CRTAC1: variants seen among roughly 807,000 people sequenced by gnomAD.
CRTAC1 encodes the protein acidic secreted protein in cartilage.
Under a neutral mutation model 67.8 loss-of-function variants are expected in CRTAC1, and 37 were observed. The ratio of observed to expected loss-of-function variants is 0.55; its 90% CI spans 0.42 to 0.72. The LOEUF is 0.72. Among genes scored for constraint, CRTAC1 ranks in the 30% least tolerant of loss-of-function variants. The pLI, the probability that CRTAC1 is intolerant of heterozygous loss-of-function variation, is 0.00. For missense variants in CRTAC1, 780 were observed against 931.6 expected (o/e 0.84, Z 2.12); for synonymous variants, 348 against 371.0 (o/e 0.94, Z 0.71).
intron 2 of CRTAC1, among the ~76,000 whole-genome samples, chr10:97,967,085 G>C (rs1024735349): frequency 3.3e-5 from 5 of 151,910 alleles, no homozygotes; most frequent in Admixed American, 2.6e-4. Flanking sequence ...GCTCCTCTGG[G>C]GTGGTGTATC....
chr10:97,950,242 C>CAGAGAG (rs1160076016), intron 2 of CRTAC1, among the ~76,000 whole-genome samples: 1,656 of 117,304 alleles, frequency 0.014, 25 homozygotes, highest in Non-Finnish European at 0.017. Flanking sequence ...TGCACACACA[C>CAGAGAG]ACACAGAGAG....
intron 1 of CRTAC1, among the ~76,000 whole-genome samples, chr10:98,025,839 C>A (rs1843221627): frequency 6.6e-6 from 1 of 152,208 alleles, no homozygotes; most frequent in Non-Finnish European, 1.5e-5. Context: ...GAATCAATAG[C>A]TCAGGGCCCT....
Position 97,987,842 on chromosome 10 carries a change from G to T in CRTAC1, c.224+23296C>A, listed in dbSNP as rs186817920. Among the ~76,000 whole-genome samples the T allele has an allele frequency of 5.9e-5, 9 of 152,254 alleles. No individual in the cohort carries two copies. In the East Asian group the frequency reaches 1.7e-3, roughly 29 times the overall value. On this transcript the variant is annotated intron_variant, in intron 2 of 14. Coordinates refer to ENST00000370597, the MANE Select transcript of CRTAC1 (RefSeq NM_018058.7). ...GTCTGCTCAGCACTCTTCCATCTTG[G>T]ATCTAGGAACAGACCCCCTTTGCAT...
intron 2 of CRTAC1, among the ~76,000 whole-genome samples, chr10:97,949,690 C>T (rs567111344): frequency 1.6e-4 from 25 of 152,268 alleles, no homozygotes; most frequent in South Asian, 1.2e-3. Flanking sequence ...GGCACTCAGC[C>T]GGGCAGTCAG....
Position 98,007,563 on chromosome 10 carries a change from C to A in CRTAC1, c.224+3575G>T, listed in dbSNP as rs886109298. Among the ~76,000 whole-genome samples, 5 of 152,184 alleles carry A rather than the reference C, an allele frequency of 3.3e-5. 1 individual carries two copies. Among genetic ancestry groups the A allele is most frequent in the African/African-American group, 7.2e-5 (3 of 41,442 alleles). On this transcript the variant is annotated intron_variant, in intron 2 of 14. Coordinates refer to ENST00000370597, the MANE Select transcript of CRTAC1 (RefSeq NM_018058.7). The stretch of plus-strand genomic sequence containing the variant: ...TCCTGTCTTCTGTGTAACTCTTATT[C>A]TTTGCTGGGGGTGAGCAATAAATAT...
intron 2 of CRTAC1, among the ~76,000 whole-genome samples, chr10:97,966,883 T>C (rs898101517): frequency 3.9e-5 from 6 of 152,226 alleles, no homozygotes; most frequent in South Asian, 4.1e-4. Context: ...CGTGCCATTT[T>C]CATCTCATCA....
chr10:97,962,047 G>A (rs182311955), intron 2 of CRTAC1, among the ~76,000 whole-genome samples: 120 of 152,278 alleles, frequency 7.9e-4, no homozygotes, highest in African/African-American at 2.9e-3. Flanking sequence ...GAAAGCCGTG[G>A]AACATCACTG....
chr10:98,024,982 C>T (rs1843198295), intron 1 of CRTAC1, among the ~76,000 whole-genome samples: 1 of 152,038 alleles, frequency 6.6e-6, no homozygotes, highest in Non-Finnish European at 1.5e-5. Context: ...TCACAGCTCA[C>T]ATTTAATTTT....
chr10:98,004,266 G>C (rs1316155098), intron 2 of CRTAC1, among the ~76,000 whole-genome samples: 2 of 152,166 alleles, frequency 1.3e-5, no homozygotes, highest in African/African-American at 4.8e-5. Flanking sequence ...TCAGCAGTTT[G>C]AATCAGAAAG....
chr10:97,893,319 C>A (rs2050403845), intron 11 of CRTAC1, among the ~76,000 whole-genome samples: 1 of 152,088 alleles, frequency 6.6e-6, no homozygotes, highest in Non-Finnish European at 1.5e-5. Context: ...GACCATAGTG[C>A]CTATTCCTTT....
chr10:97,983,104 A>G (rs1032030680), intron 2 of CRTAC1, among the ~76,000 whole-genome samples: 1 of 152,214 alleles, frequency 6.6e-6, no homozygotes, highest in Non-Finnish European at 1.5e-5. Flanking sequence ...TAAGCACCAA[A>G]CAAGTATGAA....
At position 97,882,825 on chromosome 10, in the gene CRTAC1, C is replaced by T. The variant is rs1234387848; in HGVS notation, c.1636G>A (p.Gly546Ser). Residue 546 changes from glycine to serine, a missense_variant, in exon 13 of 15, where the codon GGC (glycine) becomes AGC (serine). Transcript: ENST00000370597. ...TLQDPAPLEC[G>S]QGFSQQENGH... ...TTTTCCTGCTGGGAGAATCCTTGGCCACACTGTAAGGTGGGCAGAAGCAGA... is the reference window on the plus strand; with the variant it reads ...TTTTCCTGCTGGGAGAATCCTTGGCTACACTGTAAGGTGGGCAGAAGCAGA... 1.2e-6 allele frequency: 2 copies of T among 1,614,226 alleles called. No individual in the cohort carries two copies. The highest frequency in any genetic ancestry group is 1.7e-6 in the Non-Finnish European group (2 of 1,180,040).
chr10:97,936,091 G>T, intron 3 of CRTAC1, 79 bp downstream of exon 3: 5 of 1,395,450 alleles, frequency 3.6e-6, no homozygotes, highest in Non-Finnish European at 4.9e-6. Flanking sequence ...GAAGGGCCAG[G>T]GTTCCCATGG....
intron 2 of CRTAC1, among the ~76,000 whole-genome samples, chr10:97,994,010 C>A (rs557992714): frequency 6.6e-6 from 1 of 152,116 alleles, no homozygotes; most frequent in Non-Finnish European, 1.5e-5. Context: ...GCATGCACCA[C>A]CATGCCTGGC....
intron 5 of CRTAC1, among the ~76,000 whole-genome samples, chr10:97,914,767 C>T (rs917689900): frequency 2.0e-5 from 3 of 152,180 alleles, no homozygotes; most frequent in Admixed American, 6.5e-5. Context: ...CAGGGCAGCT[C>T]CCGGCACTGT....
chr10:97,988,574 G>T (rs1208913765), intron 2 of CRTAC1, among the ~76,000 whole-genome samples: 2 of 152,116 alleles, frequency 1.3e-5, no homozygotes, highest in Non-Finnish European at 2.9e-5. Context: ...ATAAAAATTA[G>T]CCGGGTGTGG....
chr10:98,000,298 G>A (rs1842664822), intron 2 of CRTAC1, among the ~76,000 whole-genome samples: 1 of 152,168 alleles, frequency 6.6e-6, no homozygotes, highest in South Asian at 2.1e-4. Context: ...ATCTCCTCGA[G>A]CCACGGCTGT....
intron 2 of CRTAC1, among the ~76,000 whole-genome samples, chr10:97,978,224 ACTC>A (rs1189956791): frequency 6.6e-6 from 1 of 151,856 alleles, no homozygotes; most frequent in Non-Finnish European, 1.5e-5. Context: ...CTCAGGCTCC[ACTC>A]CTAGACCTAG....
intron 11 of CRTAC1, chr10:97,884,569 A>G: frequency 1.7e-6 from 1 of 580,634 alleles, no homozygotes; most frequent in Non-Finnish European, 3.1e-6. Flanking sequence ...AATGTCCTGC[A>G]TCTGTGCTGT....
Sources: gnomAD v4.1 joint callset for allele counts (sites outside exome capture counted in the v4.1 genomes callset) on GRCh38, gnomAD v4.1.1 for gene constraint, MANE v1.5 for transcripts, NCBI Gene and HGNC (gene_info 2026-07-23, HGNC 2026-07-21) for gene names.